Variants in XKR4 observed in about 807,000 individuals in gnomAD.
XKR4 encodes the protein XK related 4, also known as XK-related protein 4.
XKR4 carries 12 observed loss-of-function variants against 53.9 expected under a neutral mutation model. The observed-to-expected ratio is 0.22, with a 90% CI of 0.14 to 0.36. XKR4 has a LOEUF of 0.36. Ranked by LOEUF, XKR4 falls within the 10% of genes least tolerant of loss-of-function variation. XKR4 has a pLI of 1.00. For missense variants in XKR4, 799 were observed against 859.5 expected (o/e 0.93, Z 0.88); for synonymous variants, 354 against 362.4 (o/e 0.98, Z 0.26).
In XKR4 at chr8:55,530,892, G is replaced by A. The variant is rs538322193; in HGVS notation, c.*6665G>A. The A allele has an allele frequency of 6.6e-6, 1 of 151,802 alleles. No homozygotes were observed. Among genetic ancestry groups the A allele is most frequent in the Admixed American group, 6.6e-5 (1 of 15,210 alleles). 9.4% of individuals were successfully genotyped at this position (151,802 alleles called of 1,614,324 possible). A position where few individuals can be genotyped will look rare whatever the true frequency, so the allele number is the denominator to read the frequency against. Reference sequence around the variant, plus strand: ...TTTCCCTGAGTCATTTATTCAACAAGTTTGACCTCTACAACTCATTTGGCT... The same window carrying A: ...TTTCCCTGAGTCATTTATTCAACAAATTTGACCTCTACAACTCATTTGGCT... On this transcript the variant is annotated 3_prime_UTR_variant, in exon 3 of 3. Coordinates refer to ENST00000327381, the MANE Select transcript of XKR4 (RefSeq NM_052898.2).
At chr8:55,154,536 T>G (rs928967545) in intron 1 of XKR4, among the ~76,000 whole-genome samples, 1 of 152,196 alleles carries the variant, frequency 6.6e-6, no homozygotes, top group South Asian at 2.1e-4. Context: ...GTTATTAGAT[T>G]CCACCAAACC....
chr8:55,143,416 G>C (rs1237983547), intron 1 of XKR4, among the ~76,000 whole-genome samples: 1 of 152,090 alleles, frequency 6.6e-6, no homozygotes, highest in Non-Finnish European at 1.5e-5. Context: ...TTTCCCAAAA[G>C]AGCTAACATA....
chr8:55,528,259 T>C lies in XKR4; in HGVS notation c.*4032T>C, dbSNP rs1352127851. 6.6e-6 allele frequency: 1 copy of C among 152,262 alleles called. No homozygotes were observed. The highest frequency in any genetic ancestry group is 2.4e-5 in the African/African-American group (1 of 41,470). 9.4% of individuals were successfully genotyped at this position (152,262 alleles called of 1,614,324 possible). On this transcript the variant is annotated 3_prime_UTR_variant, in exon 3 of 3. Coordinates refer to ENST00000327381, the MANE Select transcript of XKR4 (RefSeq NM_052898.2). ...CACTTCTTAGCTCGAATGAGTTTTA[T>C]CACTTCTTAAGGATCTCATCTTTTA...
rs111487980 is a variant in XKR4, at chr8:55,393,072, C to T, written c.1006+35195C>T. Among the ~76,000 whole-genome samples the T allele has an allele frequency of 2.9e-3, 442 of 151,724 alleles. 1 individual carries two copies. The highest frequency in any genetic ancestry group is 0.01 in the African/African-American group (419 of 41,342). Reference sequence around the variant, plus strand: ...TTAGAAGCATCATCATTTTAAAATGCCAAATAAAATAATGGATTTAGCAAG... The same window carrying T: ...TTAGAAGCATCATCATTTTAAAATGTCAAATAAAATAATGGATTTAGCAAG... On this transcript the variant is annotated intron_variant, in intron 2 of 2. Transcript: ENST00000327381.
intron 2 of XKR4, among the ~76,000 whole-genome samples, chr8:55,486,558 G>C (rs1353375426): frequency 6.6e-6 from 1 of 152,248 alleles, no homozygotes; most frequent in Non-Finnish European, 1.5e-5. Flanking sequence ...GGCATAGCCA[G>C]TTGGCATTAT....
chr8:55,332,095 T>G (rs1365166745), intron 1 of XKR4, among the ~76,000 whole-genome samples: 1 of 152,094 alleles, frequency 6.6e-6, no homozygotes, highest in Non-Finnish European at 1.5e-5. Context: ...TCGTTTCCTT[T>G]TGTGTATAGT....
intron 1 of XKR4, among the ~76,000 whole-genome samples, chr8:55,326,455 C>T (rs994083656): frequency 6.9e-6 from 1 of 145,096 alleles, no homozygotes; most frequent in African/African-American, 2.5e-5. Flanking sequence ...TTCCCCTCAA[C>T]TGATTTTTTT....
chr8:55,159,536 C>A (rs1816956399), intron 1 of XKR4, among the ~76,000 whole-genome samples: 1 of 152,140 alleles, frequency 6.6e-6, no homozygotes, highest in South Asian at 2.1e-4. Flanking sequence ...TGAGCAAAAA[C>A]TTGGGGTCAT....
At chr8:55,505,094 T>C (rs982883754) in intron 2 of XKR4, among the ~76,000 whole-genome samples, 7 of 152,100 alleles carry the variant, frequency 4.6e-5, no homozygotes, top group African/African-American at 1.7e-4. Flanking sequence ...GCAAGCTTTG[T>C]GTTTAGTTTG....
At chr8:55,120,050 A>G (rs971704750) in intron 1 of XKR4, among the ~76,000 whole-genome samples, 1 of 152,214 alleles carries the variant, frequency 6.6e-6, no homozygotes, top group African/African-American at 2.4e-5. Flanking sequence ...GAACTTTTAC[A>G]ATGGTGCATG....
In XKR4 at chr8:55,314,984, G is replaced by T. The variant is rs541208479; in HGVS notation, c.807-42694G>T. 1.8e-3 allele frequency among the ~76,000 whole-genome samples: 281 copies of T among 152,292 alleles called. 1 individual carries two copies. The highest frequency in any genetic ancestry group is 3.0e-3 in the Non-Finnish European group (204 of 68,024). ...ACAGGAGTGGAGAGAGGGCAAAAAC[G>T]CTGTGCATTTGCCGTTCCTAAACTA... is the stretch of plus-strand genomic sequence containing the variant. On this transcript the variant is annotated intron_variant, in intron 1 of 2. Transcript: ENST00000327381.
chr8:55,304,048 T>C (rs1469336233), intron 1 of XKR4, among the ~76,000 whole-genome samples: 10 of 152,238 alleles, frequency 6.6e-5, no homozygotes, highest in Admixed American at 2.0e-4. Flanking sequence ...AGCTTTTGAA[T>C]GTGTTTGCTT....
chr8:55,295,960 A>C (rs1158014663), intron 1 of XKR4, among the ~76,000 whole-genome samples: 3 of 152,220 alleles, frequency 2.0e-5, no homozygotes, highest in Non-Finnish European at 4.4e-5. Flanking sequence ...TTCATAGACT[A>C]ACAGTTCACC....
At chr8:55,185,634 A>G (rs1563477877) in intron 1 of XKR4, among the ~76,000 whole-genome samples, 1 of 152,222 alleles carries the variant, frequency 6.6e-6, no homozygotes, top group African/African-American at 2.4e-5. Flanking sequence ...GAATTCTGGA[A>G]CATTTGGGCT....
chr8:55,365,156 C>T (rs916861425), intron 2 of XKR4, among the ~76,000 whole-genome samples: 2 of 152,150 alleles, frequency 1.3e-5, no homozygotes, highest in African/African-American at 4.8e-5. Context: ...CTGGGAGGAC[C>T]TTTTGGCTGC....
At chr8:55,479,529 A>G (rs1267291289) in intron 2 of XKR4, among the ~76,000 whole-genome samples, 2 of 152,178 alleles carry the variant, frequency 1.3e-5, no homozygotes, top group Non-Finnish European at 2.9e-5. Context: ...AGCTAGCAGA[A>G]GGCAAGAAAT....
intron 1 of XKR4, among the ~76,000 whole-genome samples, chr8:55,202,116 C>T (rs971415110): frequency 1.3e-5 from 2 of 152,188 alleles, no homozygotes; most frequent in Admixed American, 6.5e-5. Context: ...TGCTCAGATT[C>T]TAATAAGGAC....
chr8:55,145,165 A>G (rs2129354717), intron 1 of XKR4, among the ~76,000 whole-genome samples: 1 of 152,150 alleles, frequency 6.6e-6, no homozygotes, highest in South Asian at 2.1e-4. Context: ...CCCAACATGT[A>G]CTTCTGCAGG....
intron 1 of XKR4, among the ~76,000 whole-genome samples, chr8:55,261,507 G>T (rs569491338): frequency 1.3e-5 from 2 of 152,160 alleles, no homozygotes. Flanking sequence ...CTTTCATTTT[G>T]AATTCCTTTG....
Sources: allele counts gnomAD v4.1 joint callset (sites outside exome capture counted in the v4.1 genomes callset), GRCh38; gene constraint gnomAD v4.1.1; transcripts MANE v1.5; gene names NCBI Gene and HGNC (gene_info 2026-07-23, HGNC 2026-07-21).